Variants in CYFIP1 observed in about 807,000 individuals in gnomAD.
CYFIP1 encodes cytoplasmic FMR1-interacting protein 1.
In CYFIP1, 58 loss-of-function variants were observed where a neutral mutation model predicts 163.5. The observed-to-expected ratio is 0.35, with a 90% CI of 0.29 to 0.44. CYFIP1 has a LOEUF of 0.44. Among genes scored for constraint, CYFIP1 ranks in the 20% least tolerant of loss-of-function variants. The pLI is 1.00. For synonymous variants in CYFIP1, 663 were observed against 660.7 expected (o/e 1.00, Z -0.05); for missense variants, 1,338 against 1,653.8 (o/e 0.81, Z 3.31).
chr15:22,901,930 G>A (rs1440654716), intron 22 of CYFIP1, among the ~76,000 whole-genome samples: 3 of 152,198 alleles, frequency 2.0e-5, no homozygotes, highest in Non-Finnish European at 2.9e-5. Flanking sequence ...GAAGGTGGAG[G>A]TTGCTGAGTA....
Position 22,869,925 on chromosome 15 carries a change from T to C in CYFIP1, c.*103A>G. 1.8e-6 allele frequency: 2 copies of C among 1,081,970 alleles called. No individual in the cohort carries two copies. The highest frequency in any genetic ancestry group is 2.4e-6 in the Non-Finnish European group (2 of 818,098). The allele number at this position is 1,081,970 out of a possible 1,614,324, so 67.0% of individuals were successfully genotyped here. A position where few individuals can be genotyped will look rare whatever the true frequency, so the allele number is the denominator to read the frequency against. ...TTTTTAGATCGAAAAGCACCCCCTT[T>C]AACAGGTACAGAGATACTGAAAAAT... On this transcript the variant is annotated 3_prime_UTR_variant, in exon 31 of 31. Transcript: ENST00000617928.
chr15:22,979,333 C>T (rs2063386667), intron 1 of CYFIP1, among the ~76,000 whole-genome samples: 1 of 152,182 alleles, frequency 6.6e-6, no homozygotes, highest in Admixed American at 6.5e-5. Context: ...TCAAGCATAG[C>T]AATGTGCGCA....
At chr15:22,968,391 A>G (rs1477919723) in intron 1 of CYFIP1, among the ~76,000 whole-genome samples, 1 of 152,178 alleles carries the variant, frequency 6.6e-6, no homozygotes, top group Non-Finnish European at 1.5e-5. Context: ...GCCTTGAAAG[A>G]AAAAAGACTG....
At chr15:22,938,293 G>C (rs1391665676) in intron 8 of CYFIP1, among the ~76,000 whole-genome samples, 1 of 152,212 alleles carries the variant, frequency 6.6e-6, no homozygotes, top group Non-Finnish European at 1.5e-5. Context: ...TTGACAAGTA[G>C]AATCTTGGAT....
At chr15:22,873,430 C>A in intron 29 of CYFIP1, 61 bp downstream of exon 29, 1 of 1,405,126 alleles carries the variant, frequency 7.1e-7, no homozygotes, top group Non-Finnish European at 9.9e-7. Flanking sequence ...TAACACGCCT[C>A]CCCTCCCCCA....
intron 11 of CYFIP1, among the ~76,000 whole-genome samples, chr15:22,930,292 G>A (rs1008946972): frequency 6.6e-6 from 1 of 150,486 alleles, no homozygotes; most frequent in African/African-American, 2.4e-5. Flanking sequence ...TACTCGGGAG[G>A]CTGAGGAAGG....
At chr15:22,872,309 A>G (rs1426291482) in intron 30 of CYFIP1, among the ~76,000 whole-genome samples, 3 of 150,234 alleles carry the variant, frequency 2.0e-5, no homozygotes, top group Non-Finnish European at 4.5e-5. Context: ...AAAAAAAAAA[A>G]AGAAAGAAAA....
At position 22,879,899 on chromosome 15, in the gene CYFIP1, G is replaced by C. The variant is rs531670317; in HGVS notation, c.3042+14C>G. The C allele has an allele frequency of 1.5e-5, 24 of 1,605,230 alleles. 2 individuals are homozygous for C. Among genetic ancestry groups the C allele is most frequent in the Non-Finnish European group, 2.0e-5 (23 of 1,176,548 alleles). On this transcript the variant is annotated intron_variant, in intron 26 of 30. Coordinates refer to ENST00000617928, the MANE Select transcript of CYFIP1 (RefSeq NM_014608.6). ...GGCTGGGGCGGGGAGGGGCGGCGTT[G>C]GGGGGCCACTCACCAGGCTCTGCTC...
intron 13 of CYFIP1, among the ~76,000 whole-genome samples, chr15:22,923,371 C>G (rs1274047220): frequency 2.0e-5 from 3 of 152,080 alleles, no homozygotes; most frequent in Non-Finnish European, 2.9e-5. Context: ...CGTTTAACAT[C>G]CTTAGTTGTT....
intron 18 of CYFIP1, among the ~76,000 whole-genome samples, chr15:22,911,545 G>A (rs1342021198): frequency 6.6e-6 from 1 of 152,190 alleles, no homozygotes; most frequent in Non-Finnish European, 1.5e-5. Flanking sequence ...TTGCAGATGG[G>A]ATTCGCACTA....
intron 6 of CYFIP1, among the ~76,000 whole-genome samples, chr15:22,940,731 T>C (rs946231369): frequency 1.3e-5 from 2 of 152,232 alleles, no homozygotes; most frequent in African/African-American, 2.4e-5. Flanking sequence ...TACAGTAACA[T>C]TCCTTGCCTT....
chr15:22,902,891 A>C (rs2060443319), intron 22 of CYFIP1, among the ~76,000 whole-genome samples: 1 of 151,364 alleles, frequency 6.6e-6, no homozygotes, highest in Admixed American at 6.6e-5. Context: ...CCTCTCTCTC[A>C]TCAGAGCTCT....
At chr15:22,937,894 G>A (rs749961099) in intron 8 of CYFIP1, among the ~76,000 whole-genome samples, 7 of 152,044 alleles carry the variant, frequency 4.6e-5, no homozygotes, top group Non-Finnish European at 8.8e-5. Context: ...ATGAGCCACC[G>A]TGCCCAGTCA....
At position 22,910,596 on chromosome 15, in the gene CYFIP1, C is replaced by A. The variant is rs773796565; in HGVS notation, c.2192G>T (p.Cys731Phe). The A allele has an allele frequency of 6.2e-7, 1 of 1,614,186 alleles. No homozygotes were observed. The highest frequency in any genetic ancestry group is 1.1e-5 in the South Asian group (1 of 91,082). ...GTGGATCGTGGCTCCCTGATTCTTGCATTCTGATCGTAACCGTTTATCAAG... is the reference window on the plus strand; with the variant it reads ...GTGGATCGTGGCTCCCTGATTCTTGAATTCTGATCGTAACCGTTTATCAAG... ...LLLDKRLRSE[C>F]KNQGATIHLP... The change falls in exon 20 of 31, where the codon TGC becomes TTC. Residue 731 changes from cysteine (C) to phenylalanine (F), a missense_variant. Around this residue, in one of 4 missense-constraint regions of CYFIP1, gnomAD observed 824 missense variants for 995.7 expected, o/e 0.83. Transcript: ENST00000617928.
chr15:22,917,756 G>C lies in CYFIP1; in HGVS notation c.1674+32C>G, dbSNP rs754421268. ...AGCTCAGGGTGGGTCCCCCCAGGGAGAGGGTGCAGGCGGGGCTCAAGGGAC... is the reference window on the plus strand; with the variant it reads ...AGCTCAGGGTGGGTCCCCCCAGGGACAGGGTGCAGGCGGGGCTCAAGGGAC... On this transcript the variant is annotated intron_variant, in intron 15 of 30. Transcript: ENST00000617928. This position sits in a 1 kb window ranked among gnomAD's most constrained non-coding sequence, Gnocchi z 4.2. The C allele has an allele frequency of 8.6e-6, 13 of 1,517,840 alleles. No homozygotes were observed. The highest frequency in any genetic ancestry group is 2.0e-4 in the Middle Eastern group (1 of 4,952). The allele number at this position is 1,517,840 out of a possible 1,614,324, so 94.0% of individuals were successfully genotyped here. A position where few individuals can be genotyped will look rare whatever the true frequency, so the allele number is the denominator to read the frequency against.
chr15:22,887,738 G>A (rs2059965562), intron 23 of CYFIP1, among the ~76,000 whole-genome samples: 1 of 152,164 alleles, frequency 6.6e-6, no homozygotes, highest in Non-Finnish European at 1.5e-5. Flanking sequence ...TCAGGGGAGT[G>A]GGAGGAGGCA....
At chr15:22,941,280 TC>T (rs139143716) in intron 6 of CYFIP1, among the ~76,000 whole-genome samples, 2,306 of 152,168 alleles carry the variant, frequency 0.015, 79 homozygotes, top group East Asian at 0.097. Context: ...CAGACTGGTC[TC>T]AAATTCCTGG....
rs1250685290 is a variant in CYFIP1, at chr15:22,884,046, A to G, written c.2677-1035T>C. On this transcript the variant is annotated intron_variant, in intron 23 of 30. Transcript: ENST00000617928. ...GAACAGCATGTGGAAAACTGCCCCC[A>G]TGAACCAGTCAACTCCCACCAGCTC... Among the ~76,000 whole-genome samples, 10 of 152,202 alleles carry G rather than the reference A, an allele frequency of 6.6e-5. No individual in the cohort carries two copies. The East Asian group carries it at 1.9e-3, about 29-fold the overall frequency.
Position 22,903,877 on chromosome 15 carries a change from C to T in CYFIP1, c.2417G>A (p.Arg806His), listed in dbSNP as rs199596519. 4.2e-5 allele frequency: 68 copies of T among 1,614,078 alleles called. 1 individual carries two copies. The highest frequency in any genetic ancestry group is 1.6e-4 in the Middle Eastern group (1 of 6,062). The change falls in exon 22 of 31, where the codon CGC (arginine) becomes CAC (histidine). Residue 806 changes from arginine (R) to histidine (H), a missense_variant. By Grantham distance (29) the Arg-to-His change is conservative. Coordinates refer to ENST00000617928, the MANE Select transcript of CYFIP1 (RefSeq NM_014608.6). ...VELDGLLEINRMTHKLLSRYL... is the reference protein window; with the variant it reads ...VELDGLLEINHMTHKLLSRYL... ...CCGGCTCAGCAGCTTGTGGGTCATG[C>T]GGTTGATTTCCAACAGGCCATCCAG...
Sources: gnomAD v4.1 joint callset for allele counts (sites outside exome capture counted in the v4.1 genomes callset) on GRCh38, gnomAD v4.1.1 for gene constraint, gnomAD v4.1.1 regional missense constraint, Gnocchi (gnomAD v3.1) non-coding constraint, MANE v1.5 for transcripts, NCBI Gene and HGNC (gene_info 2026-07-23, HGNC 2026-07-21) for gene names.